CACNA2D3: variants seen among roughly 807,000 people sequenced by gnomAD.
CACNA2D3 encodes voltage-dependent calcium channel subunit alpha-2/delta-3.
CACNA2D3 carries 60 observed loss-of-function variants against 160.6 expected under a neutral mutation model. The ratio of observed to expected loss-of-function variants is 0.37; its 90% CI spans 0.30 to 0.46. The LOEUF (loss-of-function observed/expected upper bound fraction) is 0.46, where lower values mean the gene tolerates loss of function less well. Ranked by LOEUF, CACNA2D3 falls within the 20% of genes least tolerant of loss-of-function variation. The pLI is 1.00. For synonymous variants in CACNA2D3, 558 were observed against 492.9 expected (o/e 1.13, Z -1.75); for missense variants, 1,205 against 1,365.0 (o/e 0.88, Z 1.85).
chr3:54,538,088 C>G (rs1473146234), intron 5 of CACNA2D3, among the ~76,000 whole-genome samples: 1 of 152,092 alleles, frequency 6.6e-6, no homozygotes, highest in Non-Finnish European at 1.5e-5. Context: ...GATCTGGGCT[C>G]TGGTATCAAA....
At chr3:54,287,096 A>G (rs1703050024) in intron 2 of CACNA2D3, among the ~76,000 whole-genome samples, 1 of 151,990 alleles carries the variant, frequency 6.6e-6, no homozygotes, top group African/African-American at 2.4e-5. Context: ...TTAAATGTAA[A>G]TGGACTAAAT....
chr3:54,930,021 T>G (rs546276855), intron 27 of CACNA2D3, among the ~76,000 whole-genome samples: 1 of 152,308 alleles, frequency 6.6e-6, no homozygotes, highest in East Asian at 1.9e-4. Context: ...ATTTTAGACC[T>G]TAAGAGCCAT....
At chr3:54,774,828 G>T in intron 13 of CACNA2D3, among the ~76,000 whole-genome samples, 1 of 151,616 alleles carries the variant, frequency 6.6e-6, no homozygotes. Context: ...TAGAGACAGG[G>T]TTTCACCATA....
At chr3:54,805,938 C>T (rs894528490) in intron 13 of CACNA2D3, among the ~76,000 whole-genome samples, 3 of 151,990 alleles carry the variant, frequency 2.0e-5, no homozygotes, top group Non-Finnish European at 4.4e-5. Flanking sequence ...ATAAACAGAG[C>T]CAAAGACAAA....
At chr3:54,862,021 GT>G (rs11346748) in intron 17 of CACNA2D3, among the ~76,000 whole-genome samples, 2,128 of 152,160 alleles carry the variant, frequency 0.014, 45 homozygotes, top group African/African-American at 0.049. Flanking sequence ...TCAAAACTGA[GT>G]ATTTTGCTGG....
At chr3:54,651,129 G>A (rs893032954) in intron 11 of CACNA2D3, among the ~76,000 whole-genome samples, 3 of 152,150 alleles carry the variant, frequency 2.0e-5, no homozygotes, top group Admixed American at 6.5e-5. Flanking sequence ...ATGACCATAG[G>A]TCAGAGGAAG....
intron 2 of CACNA2D3, among the ~76,000 whole-genome samples, chr3:54,153,145 AG>A (rs1318255133): frequency 6.6e-6 from 1 of 152,238 alleles, no homozygotes; most frequent in East Asian, 1.9e-4. Flanking sequence ...AGAAGTTGGT[AG>A]CTCTGTGACC....
intron 31 of CACNA2D3, 79 bp from the exon 32 acceptor site, chr3:55,004,684 C>T (rs548585138): frequency 2.2e-6 from 2 of 905,172 alleles, no homozygotes; most frequent in Admixed American, 3.7e-5. Flanking sequence ...ATAGTGACTG[C>T]TCACCTTGTA....
rs140753280 is a variant in CACNA2D3, at chr3:54,739,289, G to A, written c.1168-13310G>A. Among the ~76,000 whole-genome samples, 362 of 151,966 alleles carry A rather than the reference G, an allele frequency of 2.4e-3. 2 individuals carry two copies. The highest frequency in any genetic ancestry group is 4.6e-3 in the Non-Finnish European group (312 of 67,934). On this transcript the variant is annotated intron_variant, in intron 11 of 37. Transcript: ENST00000474759. ...ACAAAAATTAGCTGAGCATGGTGGT[G>A]TGGGCATGTAGTCCCAGCTACTTGG...
At chr3:54,626,306 G>A (rs1290335841) in intron 9 of CACNA2D3, 12 of 1,545,672 alleles carry the variant, frequency 7.8e-6, no homozygotes, top group African/African-American at 1.4e-5. Context: ...TCCTACAAGC[G>A]GCTGATGCCG....
At chr3:54,618,930 T>G (rs1559528264) in intron 9 of CACNA2D3, among the ~76,000 whole-genome samples, 1 of 152,224 alleles carries the variant, frequency 6.6e-6, no homozygotes, top group African/African-American at 2.4e-5. Context: ...CAGTCTACCC[T>G]GGCACACTGC....
At chr3:54,885,150 T>C in intron 21 of CACNA2D3, 131 bp from the exon 22 acceptor site, 2 of 803,996 alleles carry the variant, frequency 2.5e-6, no homozygotes, top group South Asian at 1.7e-5. Flanking sequence ...AACCTGCTGC[T>C]CCAAGGCAGG....
intron 5 of CACNA2D3, among the ~76,000 whole-genome samples, chr3:54,527,119 T>A (rs990213883): frequency 2.0e-5 from 3 of 152,372 alleles, no homozygotes; most frequent in South Asian, 2.1e-4. Flanking sequence ...GGCCAGTATT[T>A]GAGATATGTC....
chr3:54,871,077 C>T (rs1318688823), intron 17 of CACNA2D3, among the ~76,000 whole-genome samples: 3 of 89,214 alleles, frequency 3.4e-5, no homozygotes, highest in African/African-American at 8.8e-5. Context: ...CACACACACA[C>T]ACACACACAC....
chr3:54,908,965 A>G (rs1283544517), intron 27 of CACNA2D3, among the ~76,000 whole-genome samples: 2 of 152,232 alleles, frequency 1.3e-5, no homozygotes, highest in African/African-American at 4.8e-5. Flanking sequence ...TATTCTATTT[A>G]AAAGAACAAC....
At position 54,402,045 on chromosome 3, in the gene CACNA2D3, T is replaced by G. The variant is rs114194461; in HGVS notation, c.381+15271T>G. ...TGTTTGTATGAGAATGAAATTAAGT[T>G]GTTATCAGTGTAAAATATCCTATTA... On this transcript the variant is annotated intron_variant, in intron 4 of 37. Coordinates refer to ENST00000474759, the MANE Select transcript of CACNA2D3 (RefSeq NM_018398.3). Among the ~76,000 whole-genome samples, 882 of 152,270 alleles carry G rather than the reference T, an allele frequency of 5.8e-3. 4 individuals are homozygous for G. Among genetic ancestry groups the G allele is most frequent in the South Asian group, 0.02 (97 of 4,828 alleles).
intron 4 of CACNA2D3, among the ~76,000 whole-genome samples, chr3:54,497,465 T>A (rs1315135819): frequency 3.9e-5 from 6 of 152,100 alleles, no homozygotes; most frequent in Non-Finnish European, 8.8e-5. Flanking sequence ...TGTATTTATT[T>A]TGTATTCTGT....
At position 54,218,404 on chromosome 3, in the gene CACNA2D3, A is replaced by G. The variant is rs1032661011; in HGVS notation, c.204+94810A>G. 2.0e-5 allele frequency among the ~76,000 whole-genome samples: 3 copies of G among 152,206 alleles called. No homozygotes were observed. In the East Asian group the frequency reaches 5.8e-4, roughly 29 times the overall value. ...GTTTTCTCAGACAAGCCTGAAAAAA[A>G]TATGATTTGTTTTAAAACATGACCT... is the stretch of plus-strand genomic sequence containing the variant. On this transcript the variant is annotated intron_variant, in intron 2 of 37. Coordinates refer to ENST00000474759, the MANE Select transcript of CACNA2D3 (RefSeq NM_018398.3).
At chr3:54,608,407 G>C (rs566918904) in intron 9 of CACNA2D3, among the ~76,000 whole-genome samples, 1 of 152,252 alleles carries the variant, frequency 6.6e-6, no homozygotes, top group South Asian at 2.1e-4. Context: ...CCAGCCCTTT[G>C]CTCATCTCAT....
Sources: gnomAD v4.1 joint callset for allele counts (sites outside exome capture counted in the v4.1 genomes callset) on GRCh38, gnomAD v4.1.1 for gene constraint, MANE v1.5 for transcripts, NCBI Gene and HGNC (gene_info 2026-07-23, HGNC 2026-07-21) for gene names.